TMX3: variants seen among roughly 807,000 people sequenced by gnomAD.
TMX3 encodes thioredoxin related transmembrane protein 3.
A neutral mutation model predicts 64.4 loss-of-function variants in TMX3; 40 were observed. The ratio of observed to expected loss-of-function variants is 0.62; its 90% CI spans 0.48 to 0.81. TMX3 has a LOEUF of 0.81. TMX3 is among the 30% of genes least tolerant of loss of function. The pLI is 0.00. For synonymous variants in TMX3, 189 were observed against 175.7 expected (o/e 1.08, Z -0.60); for missense variants, 497 against 534.5 (o/e 0.93, Z 0.69).
At position 68,715,063 on chromosome 18, in the gene TMX3, G is replaced by C. The variant is rs759297596; in HGVS notation, c.-82C>G. 87 of 1,546,244 alleles carry C rather than the reference G, an allele frequency of 5.6e-5. No individual in the cohort carries two copies. Among genetic ancestry groups the C allele is most frequent in the Non-Finnish European group, 6.3e-5 (72 of 1,144,562 alleles). On this transcript the variant is annotated 5_prime_UTR_variant, in exon 1 of 16. Coordinates refer to ENST00000299608, the MANE Select transcript of TMX3 (RefSeq NM_019022.5). Reference sequence around the variant, plus strand: ...GGTCCGCCGCCTGCCCGCCCGGAAAGGGAAACGGAGCCGACCCGGAGCGGA... The same window carrying C: ...GGTCCGCCGCCTGCCCGCCCGGAAACGGAAACGGAGCCGACCCGGAGCGGA...
chr18:68,696,740 G>C (rs948520736), intron 8 of TMX3, among the ~76,000 whole-genome samples: 1 of 152,112 alleles, frequency 6.6e-6, no homozygotes, highest in African/African-American at 2.4e-5. Context: ...GCCTCCCAAA[G>C]TGCTGGGATT....
chr18:68,690,185 T>A (rs531359383), intron 9 of TMX3, among the ~76,000 whole-genome samples: 56 of 152,154 alleles, frequency 3.7e-4, no homozygotes, highest in Non-Finnish European at 7.2e-4. Context: ...TTCCTTTCTG[T>A]CACATAGAAT....
intron 8 of TMX3, among the ~76,000 whole-genome samples, chr18:68,694,250 C>T (rs1331774994): frequency 1.3e-5 from 2 of 152,182 alleles, no homozygotes; most frequent in African/African-American, 2.4e-5. Context: ...CTTTGGGGCT[C>T]CCCAAGTCAG....
At chr18:68,699,179 A>G (rs2145090542) in intron 6 of TMX3, among the ~76,000 whole-genome samples, 1 of 152,168 alleles carries the variant, frequency 6.6e-6, no homozygotes, top group Admixed American at 6.5e-5. Context: ...TCATCACTCT[A>G]CCCTAGCCTC....
At position 68,680,978 on chromosome 18, in the gene TMX3, T is replaced by C; in HGVS notation, c.1035+3A>G. On this transcript the variant is annotated splice_donor_region_variant and intron_variant, in intron 14 of 15. Coordinates refer to ENST00000299608, the MANE Select transcript of TMX3 (RefSeq NM_019022.5). ...CTCTTTGAAACAGAAGTGAACAACT[T>C]ACTTCTACTGTGCCATCCAAAATGT... The C allele has an allele frequency of 6.3e-7, 1 of 1,576,918 alleles. No homozygotes were observed. The highest frequency in any genetic ancestry group is 8.6e-7 in the Non-Finnish European group (1 of 1,163,310).
intron 10 of TMX3, among the ~76,000 whole-genome samples, chr18:68,685,699 C>A (rs552432192): frequency 1.6e-4 from 25 of 152,178 alleles, no homozygotes; most frequent in African/African-American, 4.3e-4. Flanking sequence ...CAAGGCTCTG[C>A]GCTTGTGAAA....
rs1047111937 is a variant in TMX3 at position 68,675,634 on chromosome 18, A to G, written c.*1299T>C. On this transcript the variant is annotated 3_prime_UTR_variant, in exon 16 of 16. Coordinates refer to ENST00000299608, the MANE Select transcript of TMX3 (RefSeq NM_019022.5). ...ATTCTTTATAGTGGAAAATTACTCA[A>G]TGAATAACCACTCAAATCATAGTTG... 6.6e-6 allele frequency: 1 copy of G among 152,190 alleles called. No homozygotes were observed. Among genetic ancestry groups the G allele is most frequent in the African/African-American group, 2.4e-5 (1 of 41,454 alleles). The allele number at this position is 152,190 out of a possible 1,614,324, so 9.4% of individuals were successfully genotyped here. A position where few individuals can be genotyped will look rare whatever the true frequency, so the allele number is the denominator to read the frequency against.
intron 9 of TMX3, 189 bp from the exon 10 acceptor site, chr18:68,687,954 T>C: frequency 2.7e-6 from 1 of 367,940 alleles, no homozygotes; most frequent in Non-Finnish European, 4.8e-6. Flanking sequence ...CAATCTTCAT[T>C]ATAGCATCAT....
At chr18:68,679,432 A>G (rs751494505) in intron 15 of TMX3, 31 bp downstream of exon 15, 5 of 1,565,482 alleles carry the variant, frequency 3.2e-6, no homozygotes, top group Non-Finnish European at 4.4e-6. Flanking sequence ...TATCTTCTTC[A>G]TTATCAATGA....
At chr18:68,711,029 A>G (rs918339929) in intron 3 of TMX3, among the ~76,000 whole-genome samples, 3 of 152,210 alleles carry the variant, frequency 2.0e-5, no homozygotes, top group Non-Finnish European at 2.9e-5. Flanking sequence ...CTTGGAAACT[A>G]TCAAGAAAGC....
At chr18:68,695,323 CCTTTG>C (rs1232345088) in intron 8 of TMX3, among the ~76,000 whole-genome samples, 1 of 152,202 alleles carries the variant, frequency 6.6e-6, no homozygotes, top group African/African-American at 2.4e-5. Context: ...TTCTCACTTT[CCTTTG>C]CTGACCTCAG....
chr18:68,694,146 C>T (rs1249820573), intron 8 of TMX3, among the ~76,000 whole-genome samples: 1 of 152,120 alleles, frequency 6.6e-6, no homozygotes, highest in East Asian at 1.9e-4. Flanking sequence ...ACTGAAGGGG[C>T]TGTAATGCAA....
intron 9 of TMX3, 109 bp from the exon 10 acceptor site, chr18:68,687,874 C>T: frequency 1.5e-6 from 1 of 687,922 alleles, no homozygotes; most frequent in Non-Finnish European, 2.3e-6. Context: ...AATCATACTT[C>T]CATAAATATT....
intron 4 of TMX3, among the ~76,000 whole-genome samples, chr18:68,703,183 T>G (rs2030294908): frequency 6.6e-6 from 1 of 152,166 alleles, no homozygotes; most frequent in Non-Finnish European, 1.5e-5. Flanking sequence ...ATAACGAATA[T>G]TTTTAATGAC....
intron 8 of TMX3, among the ~76,000 whole-genome samples, chr18:68,695,799 A>G (rs1351291475): frequency 6.6e-6 from 1 of 152,072 alleles, no homozygotes; most frequent in Non-Finnish European, 1.5e-5. Flanking sequence ...CGCTTAGCAC[A>G]GAGTAATGTC....
At chr18:68,707,973 A>C (rs1314110755) in intron 4 of TMX3, among the ~76,000 whole-genome samples, 1 of 148,878 alleles carries the variant, frequency 6.7e-6, no homozygotes, top group East Asian at 1.9e-4. Context: ...ATATGTGTAC[A>C]TATATGTGTA....
intron 5 of TMX3, chr18:68,700,737 A>G: frequency 1.0e-6 from 1 of 984,468 alleles, no homozygotes; most frequent in Non-Finnish European, 1.2e-6. Context: ...ACTGCATTGT[A>G]TCTACGCCTT....
At chr18:68,702,943 C>T (rs1247940404) in intron 4 of TMX3, among the ~76,000 whole-genome samples, 1 of 152,136 alleles carries the variant, frequency 6.6e-6, no homozygotes, top group African/African-American at 2.4e-5. Flanking sequence ...CACGTATCTT[C>T]CTAAGAGGTA....
Position 68,687,650 on chromosome 18 carries a change from G to C in TMX3, c.736+17C>G, listed in dbSNP as rs112746383. 1 of 1,596,198 alleles carries C rather than the reference G, an allele frequency of 6.3e-7. No homozygotes were observed. Among genetic ancestry groups the C allele is most frequent in the East Asian group, 2.3e-5 (1 of 44,250 alleles). On this transcript the variant is annotated intron_variant, in intron 10 of 15. Transcript: ENST00000299608. ...AAATCATGTAACATAATGGAGACTT[G>C]TACATATGCTTGTTACCTGTGTCTC...
Sources: allele counts gnomAD v4.1 joint callset (sites outside exome capture counted in the v4.1 genomes callset), GRCh38; gene constraint gnomAD v4.1.1; transcripts MANE v1.5; gene names NCBI Gene and HGNC (gene_info 2026-07-23, HGNC 2026-07-21).